ZNF704: variants seen among roughly 807,000 people sequenced by gnomAD.
ZNF704 encodes the protein glucocorticoid induced gene 1.
ZNF704 carries 10 observed loss-of-function variants against 44.7 expected under a neutral mutation model. The observed-to-expected ratio is 0.22, with a 90% CI of 0.14 to 0.38. The LOEUF is 0.38. Among genes scored for constraint, ZNF704 ranks in the 10% least tolerant of loss-of-function variants. The probability of loss-of-function intolerance (pLI) is 1.00; values close to 1 mark genes in which losing one functional copy is unlikely to be tolerated. For synonymous variants in ZNF704, 211 were observed against 207.6 expected (o/e 1.02, Z -0.14); for missense variants, 390 against 545.5 (o/e 0.71, Z 2.84).
At chr8:80,858,445 G>A (rs772944804) in intron 1 of ZNF704, among the ~76,000 whole-genome samples, 1 of 152,068 alleles carries the variant, frequency 6.6e-6, no homozygotes, top group Non-Finnish European at 1.5e-5. Context: ...GAAGAATATT[G>A]ATGGAGCTGG....
At chr8:80,810,481 CA>C (rs150794487) in intron 2 of ZNF704, among the ~76,000 whole-genome samples, 6,934 of 151,596 alleles carry the variant, frequency 0.046, 555 homozygotes, top group African/African-American at 0.16. Context: ...TTTTTTTTAA[CA>C]ATATTAAAAA....
At chr8:80,787,985 TC>T (rs1385408697) in intron 2 of ZNF704, among the ~76,000 whole-genome samples, 1 of 152,174 alleles carries the variant, frequency 6.6e-6, no homozygotes, top group Non-Finnish European at 1.5e-5. Context: ...GTTCCTACTT[TC>T]CCATATTAGC....
chr8:80,877,581 C>T (rs535398342), upstream of ZNF704, among the ~76,000 whole-genome samples: 5 of 152,272 alleles, frequency 3.3e-5, no homozygotes, highest in East Asian at 1.9e-4. Flanking sequence ...AAACTGGGAG[C>T]GCTTGCCACT....
At chr8:80,751,507 T>A (rs1806943339) in intron 2 of ZNF704, among the ~76,000 whole-genome samples, 1 of 152,360 alleles carries the variant, frequency 6.6e-6, no homozygotes, top group South Asian at 2.1e-4. Context: ...CATATTTGTA[T>A]TATTTTCCAA....
At chr8:80,827,677 C>T (rs1808401706) in intron 1 of ZNF704, among the ~76,000 whole-genome samples, 1 of 152,162 alleles carries the variant, frequency 6.6e-6, no homozygotes, top group Non-Finnish European at 1.5e-5. Flanking sequence ...AACTATACTA[C>T]AAGGCTACAG....
At chr8:80,719,989 C>T (rs772462796) in intron 2 of ZNF704, among the ~76,000 whole-genome samples, 2 of 152,144 alleles carry the variant, frequency 1.3e-5, no homozygotes, top group East Asian at 1.9e-4. Flanking sequence ...AATAACACCA[C>T]GAGAAAAGTG....
At chr8:80,817,070 A>AT (rs949898756) in intron 2 of ZNF704, among the ~76,000 whole-genome samples, 5 of 152,094 alleles carry the variant, frequency 3.3e-5, no homozygotes, top group African/African-American at 1.2e-4. Flanking sequence ...ATCAGTTGCC[A>AT]TTTTTTCACA....
chr8:80,868,166 G>C (rs777482304), intron 1 of ZNF704, among the ~76,000 whole-genome samples: 1 of 152,084 alleles, frequency 6.6e-6, no homozygotes, highest in Non-Finnish European at 1.5e-5. Flanking sequence ...TTCTTTTCTG[G>C]TTTTTTGGTA....
At chr8:80,675,627 G>A (rs1005944746) in intron 4 of ZNF704, among the ~76,000 whole-genome samples, 8 of 152,162 alleles carry the variant, frequency 5.3e-5, no homozygotes, top group African/African-American at 1.4e-4. Context: ...TCAAGACATA[G>A]TTTGGAGGCA....
At chr8:80,845,968 A>G (rs919462341) in intron 1 of ZNF704, among the ~76,000 whole-genome samples, 3 of 152,214 alleles carry the variant, frequency 2.0e-5, no homozygotes, top group African/African-American at 4.8e-5. Context: ...TCCTAGTAAT[A>G]TTAAATAAAG....
At chr8:80,802,049 C>A (rs1467257658) in intron 2 of ZNF704, among the ~76,000 whole-genome samples, 1 of 152,036 alleles carries the variant, frequency 6.6e-6, no homozygotes, top group African/African-American at 2.4e-5. Context: ...ATAAACACCT[C>A]TATGCACATA....
At chr8:80,711,589 A>C (rs1010282956) in intron 2 of ZNF704, among the ~76,000 whole-genome samples, 13 of 152,140 alleles carry the variant, frequency 8.5e-5, no homozygotes, top group African/African-American at 2.9e-4. Flanking sequence ...AAAATATATA[A>C]CCTGTCTTTA....
At chr8:80,664,658 T>C (rs1014344726) in intron 6 of ZNF704, among the ~76,000 whole-genome samples, 157 bp downstream of exon 6, 1 of 152,230 alleles carries the variant, frequency 6.6e-6, no homozygotes, top group African/African-American at 2.4e-5. Flanking sequence ...ACCCTATCTG[T>C]GTGAGATCTT....
intron 2 of ZNF704, among the ~76,000 whole-genome samples, chr8:80,704,440 C>T (rs1370019303): frequency 6.6e-6 from 1 of 152,166 alleles, no homozygotes. Flanking sequence ...TCCTAAAATC[C>T]TTGGAATCTC....
At position 80,650,414 on chromosome 8, in the gene ZNF704, T is replaced by C. The variant is rs138521710; in HGVS notation, c.1033-7285A>G. ...ACCCATGGCAAAGAAGTTAAAAACA[T>C]TGAAAAAAATTTAGACGAATGGCTA... On this transcript the variant is annotated intron_variant, in intron 7 of 8. Coordinates refer to ENST00000327835, the MANE Select transcript of ZNF704 (RefSeq NM_001033723.3). Among the ~76,000 whole-genome samples the C allele has an allele frequency of 5.1e-3, 773 of 152,176 alleles. 7 individuals are homozygous for C. Among genetic ancestry groups the C allele is most frequent in the African/African-American group, 0.018 (753 of 41,514 alleles).
At chr8:80,693,556 T>C (rs1036748706) in intron 2 of ZNF704, among the ~76,000 whole-genome samples, 6 of 152,200 alleles carry the variant, frequency 3.9e-5, no homozygotes, top group African/African-American at 1.2e-4. Flanking sequence ...AGTGCCTGCC[T>C]GTAGGGGCTG....
intron 3 of ZNF704, among the ~76,000 whole-genome samples, chr8:80,688,395 C>A (rs1488999002): frequency 6.6e-6 from 1 of 152,122 alleles, no homozygotes; most frequent in Non-Finnish European, 1.5e-5. Flanking sequence ...TTACATTTTA[C>A]AAAGCTTATT....
At chr8:80,674,845 TAGA>T (rs1818338591) in intron 4 of ZNF704, among the ~76,000 whole-genome samples, 1 of 152,208 alleles carries the variant, frequency 6.6e-6, no homozygotes, top group Admixed American at 6.5e-5. Context: ...AGCTATATTG[TAGA>T]AAATATCTTC....
intron 1 of ZNF704, among the ~76,000 whole-genome samples, chr8:80,862,864 C>T (rs866626560): frequency 6.6e-6 from 1 of 151,748 alleles, no homozygotes. Flanking sequence ...TCTTGAACAC[C>T]CACCAGCCAC....
Sources: allele counts gnomAD v4.1 joint callset (sites outside exome capture counted in the v4.1 genomes callset), GRCh38; gene constraint gnomAD v4.1.1; transcripts MANE v1.5; gene names NCBI Gene and HGNC (gene_info 2026-07-23, HGNC 2026-07-21).